The following ULK2 variants were observed in gnomAD, a reference collection of about 807,000 sequenced individuals.
ULK2 encodes serine/threonine-protein kinase ULK2.
Under a neutral mutation model 127.5 loss-of-function variants are expected in ULK2, and 76 were observed. That is an observed-to-expected ratio of 0.60 (90% CI 0.50 to 0.72). The LOEUF (loss-of-function observed/expected upper bound fraction) is 0.72. Among genes scored for constraint, ULK2 ranks in the 30% least tolerant of loss-of-function variants. The probability of loss-of-function intolerance (pLI) is 0.00; values close to 1 mark genes in which losing one functional copy is unlikely to be tolerated. For synonymous variants in ULK2, 452 were observed against 461.9 expected (o/e 0.98, Z 0.28); for missense variants, 1,144 against 1,295.9 (o/e 0.88, Z 1.80).
intron 4 of ULK2, among the ~76,000 whole-genome samples, 155 bp from the exon 5 acceptor site, chr17:19,849,560 C>A (rs1376039735): frequency 6.6e-6 from 1 of 151,664 alleles, no homozygotes; most frequent in East Asian, 1.9e-4. Context: ...ATTTTATATT[C>A]CTTGAGTAGA....
rs759631776 is a variant in ULK2, at chr17:19,780,444, T to C, written c.2916+28A>G. 13 of 1,583,568 alleles carry C rather than the reference T, an allele frequency of 8.2e-6. No homozygotes were observed. The African/African-American group carries it at 9.5e-5, about 12-fold the overall frequency. ...AGACACTTAAAGATAAGTAGTACTA[T>C]ACAATATTAAACCTTAGAAAGGGTT... On this transcript the variant is annotated intron_variant, in intron 25 of 26. Transcript: ENST00000395544.
chr17:19,817,449 A>G (rs908665224), intron 12 of ULK2, among the ~76,000 whole-genome samples: 6 of 152,216 alleles, frequency 3.9e-5, no homozygotes, highest in African/African-American at 1.4e-4. Context: ...CCAGAAATGT[A>G]TTTATAGATT....
rs1171992830 is a variant in ULK2 at position 19,849,777 on chromosome 17, G to C, written c.226-3C>G. ...AAAAAGACAGAGTTGGGTAATTCCT[G>C]AAAAGTAAACATATTAAATATCATT... On this transcript the variant is annotated splice_polypyrimidine_tract_variant and splice_region_variant and intron_variant, in intron 3 of 26. Coordinates refer to ENST00000395544, the MANE Select transcript of ULK2 (RefSeq NM_014683.4). The C allele has an allele frequency of 1.3e-6, 2 of 1,526,176 alleles. No homozygotes were observed. Among genetic ancestry groups the C allele is most frequent in the East Asian group, 4.6e-5 (2 of 43,016 alleles). The allele number at this position is 1,526,176 out of a possible 1,614,324, so 94.5% of individuals were successfully genotyped here. A position where few individuals can be genotyped will look rare whatever the true frequency, so the allele number is the denominator to read the frequency against.
At chr17:19,794,210 A>G (rs774210503) in intron 20 of ULK2, among the ~76,000 whole-genome samples, 17 of 152,180 alleles carry the variant, frequency 1.1e-4, no homozygotes, top group East Asian at 3.8e-4. Context: ...AGAAGAAGAA[A>G]AAAAGAACAG....
At chr17:19,865,414 T>C (rs961653787) in intron 2 of ULK2, among the ~76,000 whole-genome samples, 2 of 152,060 alleles carry the variant, frequency 1.3e-5, no homozygotes, top group African/African-American at 2.4e-5. Context: ...AGTAGTAACA[T>C]GAAAGGGGAC....
intron 10 of ULK2, among the ~76,000 whole-genome samples, chr17:19,830,754 G>A (rs1212744070): frequency 2.6e-5 from 4 of 152,064 alleles, no homozygotes; most frequent in South Asian, 2.1e-4. Flanking sequence ...GAGGCTGGGC[G>A]CAGTGGCTCA....
chr17:19,798,959 G>A (rs965675259), intron 17 of ULK2, among the ~76,000 whole-genome samples: 12 of 151,524 alleles, frequency 7.9e-5, no homozygotes, highest in Admixed American at 2.6e-4. Context: ...TCAGGAGTTC[G>A]AGACTAGCCT....
Position 19,782,393 on chromosome 17 carries a change from T to C in ULK2, c.2461-326A>G, listed in dbSNP as rs183827784. 1.8e-3 allele frequency among the ~76,000 whole-genome samples: 268 copies of C among 152,316 alleles called. 2 individuals carry two copies. The highest frequency in any genetic ancestry group is 6.2e-3 in the African/African-American group (258 of 41,574). Reference sequence around the variant, plus strand: ...TACATGAGACAAAAACGTGACAAGGTAGACACAAAGATTACAAGGATACTA... The same window carrying C: ...TACATGAGACAAAAACGTGACAAGGCAGACACAAAGATTACAAGGATACTA... On this transcript the variant is annotated intron_variant, in intron 22 of 26. Transcript: ENST00000395544.
At chr17:19,841,369 A>G (rs1389089880) in intron 9 of ULK2, 120 bp downstream of exon 9, 3 of 981,130 alleles carry the variant, frequency 3.1e-6, no homozygotes, top group Non-Finnish European at 4.5e-6. Context: ...GTTGTAACAA[A>G]TGCTTTCACA....
chr17:19,861,355 A>G (rs3098909), intron 3 of ULK2, among the ~76,000 whole-genome samples: 16,099 of 152,070 alleles, frequency 0.11, 1,584 homozygotes, highest in East Asian at 0.39. Context: ...GACCATCCTG[A>G]TTAACAAGGT....
chr17:19,782,364 A>G (rs1005351472), intron 22 of ULK2, among the ~76,000 whole-genome samples: 16 of 152,250 alleles, frequency 1.1e-4, no homozygotes, highest in African/African-American at 3.9e-4. Flanking sequence ...CGATTAAATC[A>G]ATATACATGA....
At chr17:19,781,763 A>C (rs1258538137) in intron 23 of ULK2, 126 bp downstream of exon 23, 4 of 1,112,854 alleles carry the variant, frequency 3.6e-6, no homozygotes, top group Non-Finnish European at 5.0e-6. Flanking sequence ...AGTACAAAGA[A>C]ATAATTGAGA....
At chr17:19,777,381 A>C (rs576758971) in intron 26 of ULK2, among the ~76,000 whole-genome samples, 200 bp downstream of exon 26, 1 of 152,348 alleles carries the variant, frequency 6.6e-6, no homozygotes, top group African/African-American at 2.4e-5. Context: ...CTGGGATTAC[A>C]GGCGTGAGAC....
intron 12 of ULK2, among the ~76,000 whole-genome samples, chr17:19,824,521 A>C (rs1298675018): frequency 6.6e-6 from 1 of 150,680 alleles, no homozygotes; most frequent in East Asian, 2.0e-4. Context: ...AGTGACCAGA[A>C]GGCCTCAGGA....
At position 19,816,885 on chromosome 17, in the gene ULK2, G is replaced by A; in HGVS notation, c.960C>T (p.Asn320=). ...GAGGACCCAATGGTGGGGAAGATAA[G>A]TTTTCTTCCTGAATATGCTGCATAT... ...LPDMQHIQEE[N]LSSPPLGPPN... is the part of the protein sequence containing the mutation. The change falls in exon 13 of 27, where the codon AAC becomes AAT. Residue 320 remains asparagine (N), a synonymous_variant. Transcript: ENST00000395544. 1 of 1,609,070 alleles carries A rather than the reference G, an allele frequency of 6.2e-7. No individual in the cohort carries two copies. Among genetic ancestry groups the A allele is most frequent in the Non-Finnish European group, 8.5e-7 (1 of 1,178,596 alleles).
At chr17:19,829,836 T>C (rs1402258493) in intron 10 of ULK2, among the ~76,000 whole-genome samples, 17 of 42,258 alleles carry the variant, frequency 4.0e-4, no homozygotes, top group African/African-American at 1.3e-3. Flanking sequence ...GAGACTCCAT[T>C]TCAAAAAAAA....
At chr17:19,817,142 C>T (rs1398446194) in intron 12 of ULK2, among the ~76,000 whole-genome samples, 1 of 152,176 alleles carries the variant, frequency 6.6e-6, no homozygotes, top group Admixed American at 6.5e-5. Context: ...AAAAATGATA[C>T]TTAAAAATAT....
intron 21 of ULK2, among the ~76,000 whole-genome samples, chr17:19,784,398 G>C (rs2086983359): frequency 6.6e-6 from 1 of 151,214 alleles, no homozygotes; most frequent in Admixed American, 6.6e-5. Flanking sequence ...AATGGAATTA[G>C]CATAGATCAA....
chr17:19,815,430 G>A (rs971137091), intron 13 of ULK2, among the ~76,000 whole-genome samples: 6 of 152,002 alleles, frequency 3.9e-5, no homozygotes, highest in South Asian at 4.2e-4. Flanking sequence ...TTACAGGTGC[G>A]CGCCACCATA....
Sources: allele counts gnomAD v4.1 joint callset (sites outside exome capture counted in the v4.1 genomes callset), GRCh38; gene constraint gnomAD v4.1.1; transcripts MANE v1.5; gene names NCBI Gene and HGNC (gene_info 2026-07-23, HGNC 2026-07-21).